Variants in ZNF831 observed in about 807,000 individuals in gnomAD.
ZNF831 encodes zinc finger protein 831.
ZNF831 carries 59 observed loss-of-function variants against 95.8 expected under a neutral mutation model. That is an observed-to-expected ratio of 0.62 (90% CI 0.50 to 0.77). The LOEUF (loss-of-function observed/expected upper bound fraction) is 0.77. Ranked by LOEUF, ZNF831 falls within the 30% of genes least tolerant of loss-of-function variation. The probability of loss-of-function intolerance (pLI) is 0.00; values close to 1 mark genes in which losing one functional copy is unlikely to be tolerated. For missense variants in ZNF831, 2,205 were observed against 2,164.0 expected, an observed-to-expected ratio of 1.02 and a Z score of -0.38; for synonymous variants, 961 against 925.5, an observed-to-expected ratio of 1.04 and a Z score of -0.70.
intron 4 of ZNF831, among the ~76,000 whole-genome samples, chr20:59,223,759 G>C (rs1046364919): frequency 2.6e-5 from 4 of 152,208 alleles, no homozygotes; most frequent in African/African-American, 7.2e-5. Flanking sequence ...GCTCTACGGG[G>C]AAGGCAGAAC....
intron 1 of ZNF831, among the ~76,000 whole-genome samples, chr20:59,173,031 A>G (rs887189456): frequency 1.3e-5 from 2 of 152,134 alleles, no homozygotes; most frequent in African/African-American, 4.8e-5. Context: ...AAGGATCAGT[A>G]TTCCCTTTCA....
intron 4 of ZNF831, among the ~76,000 whole-genome samples, chr20:59,252,718 T>C (rs767277982): frequency 3.3e-5 from 5 of 152,186 alleles, no homozygotes; most frequent in Non-Finnish European, 7.3e-5. Flanking sequence ...GAAATATAGA[T>C]ATATTTTATG....
chr20:59,183,702 CTG>C (rs1026482810), intron 1 of ZNF831, among the ~76,000 whole-genome samples: 31 of 152,326 alleles, frequency 2.0e-4, no homozygotes, highest in African/African-American at 7.5e-4. Flanking sequence ...TTTTAAAAAA[CTG>C]TTTTGATTTA....
chr20:59,210,414 G>A (rs1985216882), intron 4 of ZNF831, among the ~76,000 whole-genome samples: 1 of 152,130 alleles, frequency 6.6e-6, no homozygotes, highest in African/African-American at 2.4e-5. Context: ...GTTTGTTGGA[G>A]CTGAAATCCG....
chr20:59,135,374 C>T (rs1276510277), intron 1 of ZNF831, among the ~76,000 whole-genome samples: 1 of 151,956 alleles, frequency 6.6e-6, no homozygotes, highest in African/African-American at 2.4e-5. Context: ...TCACTTGAGC[C>T]CAGCAGTTTG....
chr20:59,201,002 G>A (rs571105071), intron 3 of ZNF831, among the ~76,000 whole-genome samples: 13 of 152,220 alleles, frequency 8.5e-5, no homozygotes, highest in Middle Eastern at 3.4e-3. Flanking sequence ...AATACCTAGA[G>A]GTGAAAAGCC....
At position 59,191,396 on chromosome 20, in the gene ZNF831, C is replaced by T. The variant is rs1983507539; in HGVS notation, c.377C>T (p.Pro126Leu). The stretch of plus-strand genomic sequence containing the variant: ...GTGGGCACTCTGCCTGTCCTGTCGC[C>T]GGGCCTGGGCCCCACGCTGGGCAGC... ...NIVGTLPVLS[P>L]GLGPTLGSPG... Residue 126 changes from proline to leucine, a missense_variant, in exon 2 of 6, where the codon CCG becomes CTG. Transcript: ENST00000371030. 4.3e-6 allele frequency: 7 copies of T among 1,609,846 alleles called. No homozygotes were observed. Among genetic ancestry groups the T allele is most frequent in the Admixed American group, 1.7e-5 (1 of 59,692 alleles).
chr20:59,171,321 C>T (rs1347939769), intron 1 of ZNF831, among the ~76,000 whole-genome samples: 2 of 152,244 alleles, frequency 1.3e-5, no homozygotes, highest in Non-Finnish European at 2.9e-5. Context: ...TAAAAGTTTG[C>T]ATCCCTTATC....
In ZNF831 at chr20:59,191,091, AG is replaced by A. The variant is rs2146542471; in HGVS notation, c.76del (p.Ala26ProfsTer10). The part of the protein sequence containing the change: ...DQPAPTPGPP[G>X]APGGQASPHL... ...AGCCAGCTCCCACTCCTGGCCCTCC[AG>A]GGGCCCCAGGTGGCCAGGCCTCACC... On this transcript the variant is annotated frameshift_variant, in exon 2 of 6. Coordinates refer to ENST00000371030, the MANE Select transcript of ZNF831 (RefSeq NM_178457.3). LOFTEE classifies it high-confidence loss of function. The A allele has an allele frequency of 1.3e-6, 2 of 1,547,554 alleles. No individual in the cohort carries two copies. Among genetic ancestry groups the A allele is most frequent in the Non-Finnish European group, 8.7e-7 (1 of 1,154,364 alleles).
rs745373686 is a variant in ZNF831, at chr20:59,254,710, C to T, written c.5001C>T (p.Ser1667=). The T allele has an allele frequency of 1.4e-5, 22 of 1,612,702 alleles. No individual in the cohort carries two copies. The highest frequency in any genetic ancestry group is 4.5e-5 in the East Asian group (2 of 44,868). ...QTRVEFSDTS[S]DDEDRLVIEI Reference sequence around the variant, plus strand: ...GAGTAGAGTTCAGTGACACCAGCAGCGACGATGAAGACCGATTAGTTATAG... The same window carrying T: ...GAGTAGAGTTCAGTGACACCAGCAGTGACGATGAAGACCGATTAGTTATAG... The change falls in exon 6 of 6, where the codon AGC becomes AGT. Residue 1667 remains serine, a synonymous_variant. Transcript: ENST00000371030. The surrounding 1 kb of genome is among the most constrained non-coding windows in gnomAD (Gnocchi z 4.5).
At chr20:59,139,622 T>A (rs1000695427) in intron 1 of ZNF831, among the ~76,000 whole-genome samples, 5 of 152,152 alleles carry the variant, frequency 3.3e-5, no homozygotes, top group Admixed American at 1.3e-4. Context: ...AATGGAGCCC[T>A]CTTTTAACCC....
At chr20:59,142,693 C>A (rs1011297262) in intron 1 of ZNF831, among the ~76,000 whole-genome samples, 1 of 152,178 alleles carries the variant, frequency 6.6e-6, no homozygotes, top group Non-Finnish European at 1.5e-5. Context: ...TGAGGAATGC[C>A]TCTAGCAAAA....
chr20:59,170,868 A>G (rs1241141739), intron 1 of ZNF831, among the ~76,000 whole-genome samples: 2 of 152,164 alleles, frequency 1.3e-5, no homozygotes, highest in Non-Finnish European at 2.9e-5. Context: ...TGGGCAAACA[A>G]TGGGCAACTT....
At chr20:59,164,276 G>A (rs1346443962) in intron 1 of ZNF831, among the ~76,000 whole-genome samples, 69 bp downstream of exon 1, 3 of 152,280 alleles carry the variant, frequency 2.0e-5, no homozygotes, top group Non-Finnish European at 4.4e-5. Flanking sequence ...TTTACTCTAT[G>A]TTCTTAATGA....
Position 59,252,001 on chromosome 20 carries a change from T to TG in ZNF831, c.4028-971dup, listed in dbSNP as rs1393366401. Among the ~76,000 whole-genome samples the TG allele has an allele frequency of 5.3e-5, 8 of 152,024 alleles. No homozygotes were observed. In the South Asian group the frequency reaches 6.2e-4, roughly 12 times the overall value. On this transcript the variant is annotated intron_variant, in intron 4 of 5. Coordinates refer to ENST00000371030, the MANE Select transcript of ZNF831 (RefSeq NM_178457.3). The stretch of plus-strand genomic sequence containing the variant: ...TAGAGAGGTGGAATGTGTGCTTGTG[T>TG]GGGGGGTCATGAAGTTTGAAGAGGA...
intron 1 of ZNF831, among the ~76,000 whole-genome samples, chr20:59,141,805 A>G (rs1355616095): frequency 6.6e-6 from 1 of 152,270 alleles, no homozygotes; most frequent in South Asian, 2.1e-4. Context: ...TATGTCAGCT[A>G]GAGCTGTACT....
intron 1 of ZNF831, among the ~76,000 whole-genome samples, chr20:59,172,134 C>T (rs552791898): frequency 5.3e-5 from 8 of 152,278 alleles, no homozygotes; most frequent in Admixed American, 3.3e-4. Flanking sequence ...GACTGAGTCA[C>T]GTTACTTGCC....
chr20:59,183,638 T>A (rs1982791148), intron 1 of ZNF831, among the ~76,000 whole-genome samples: 1 of 152,258 alleles, frequency 6.6e-6, no homozygotes, highest in African/African-American at 2.4e-5. Context: ...CATGACATCA[T>A]GGTTTATACC....
chr20:59,171,064 G>A (rs1420621893), intron 1 of ZNF831, among the ~76,000 whole-genome samples: 1 of 152,178 alleles, frequency 6.6e-6, no homozygotes, highest in Non-Finnish European at 1.5e-5. Flanking sequence ...CAACAGCTTT[G>A]GTTTTTATGT....
Sources: gnomAD v4.1 joint callset for allele counts (sites outside exome capture counted in the v4.1 genomes callset) on GRCh38, gnomAD v4.1.1 for gene constraint, Gnocchi (gnomAD v3.1) non-coding constraint, MANE v1.5 for transcripts, NCBI Gene and HGNC (gene_info 2026-07-23, HGNC 2026-07-21) for gene names.